The following CDH3 variants were observed in gnomAD, a reference collection of about 807,000 sequenced individuals.
CDH3 encodes cadherin-3.
In CDH3, 54 loss-of-function variants were observed where a neutral mutation model predicts 82.0. That is an observed-to-expected ratio of 0.66 (90% confidence interval 0.53 to 0.83). The LOEUF (loss-of-function observed/expected upper bound fraction) is 0.83, where lower values mean the gene tolerates loss of function less well. Among genes scored for constraint, CDH3 ranks in the 40% least tolerant of loss-of-function variants. The pLI is 0.00. For synonymous variants in CDH3, 446 were observed against 437.9 expected (o/e 1.02, Z -0.23); for missense variants, 1,054 against 1,084.6 (o/e 0.97, Z 0.40).
intron 12 of CDH3, 94 bp from the exon 13 acceptor site, chr16:68,691,626 C>A: frequency 2.1e-6 from 2 of 944,180 alleles, no homozygotes; most frequent in Non-Finnish European, 3.5e-6. Context: ...GCATTGCCCA[C>A]ATGTGGAAGC....
rs1961348027 is a variant in CDH3 at position 68,684,650 on chromosome 16, T to A, written c.1250T>A (p.Val417Glu). Residue 417 changes from valine to glutamate, a missense_variant, in exon 10 of 16, where the codon GTG becomes GAG. Val to Glu is a moderately radical substitution (Grantham distance 121, BLOSUM62 -2). Coordinates refer to ENST00000264012, the MANE Select transcript of CDH3 (RefSeq NM_001793.6). ...YVEVTNEAPFVLKLPTSTATI... is the reference protein window; with the variant it reads ...YVEVTNEAPFELKLPTSTATI... ...GAAGTGACCAACGAGGCCCCTTTTG[T>A]GCTGAAGCTCCCAACCTCCACAGCC... 1 of 1,614,082 alleles carries A rather than the reference T, an allele frequency of 6.2e-7. No individual in the cohort carries two copies. The highest frequency in any genetic ancestry group is 1.7e-5 in the Admixed American group (1 of 59,994).
chr16:68,720,310 T>G (rs957208715), intron 1 of CDH3, among the ~76,000 whole-genome samples: 1 of 152,004 alleles, frequency 6.6e-6, no homozygotes, highest in African/African-American at 2.4e-5. Context: ...TCTGTGAAAT[T>G]CTGGGTAGCA....
In CDH3 at chr16:68,698,296, A is replaced by C. The variant is rs1476674117; in HGVS notation, c.2386A>C (p.Thr796Pro). The C allele has an allele frequency of 6.2e-7, 1 of 1,614,154 alleles. No homozygotes were observed. Among genetic ancestry groups the C allele is most frequent in the Non-Finnish European group, 8.5e-7 (1 of 1,180,024 alleles). ...CGACGCCGCGTCCCTGAGCTCCCTCACCTCCTCCGCCTCCGACCAAGACCA... is the reference window on the plus strand; with the variant it reads ...CGACGCCGCGTCCCTGAGCTCCCTCCCCTCCTCCGCCTCCGACCAAGACCA... The part of the protein sequence containing the change: ...GSDAASLSSL[T>P]SSASDQDQDY... The change falls in exon 16 of 16, where the codon ACC (threonine) becomes CCC (proline). Residue 796 changes from threonine (T) to proline (P), a missense_variant. Coordinates refer to ENST00000264012, the MANE Select transcript of CDH3 (RefSeq NM_001793.6).
At chr16:68,678,932 T>A (rs1287946236) in intron 6 of CDH3, 26 bp downstream of exon 6, 1 of 1,611,876 alleles carries the variant, frequency 6.2e-7, no homozygotes, top group Non-Finnish European at 8.5e-7. Flanking sequence ...AGGGGACTGC[T>A]ACGGGGCTGG....
At chr16:68,692,021 A>G in intron 13 of CDH3, 95 bp downstream of exon 13, 2 of 947,060 alleles carry the variant, frequency 2.1e-6, no homozygotes, top group Non-Finnish European at 3.2e-6. Context: ...AGAGGCCACC[A>G]ACATTGCCCG....
At chr16:68,679,694 CAAAAAA>C (rs66540234) in intron 6 of CDH3, 99 bp from the exon 7 acceptor site, 39,233 of 354,202 alleles carry the variant, frequency 0.11, 353 homozygotes, top group Non-Finnish European at 0.13. Context: ...GACTTCATCT[CAAAAAA>C]AAAAAAAAAA....
chr16:68,690,864 G>A (rs1030652446), intron 12 of CDH3, among the ~76,000 whole-genome samples: 18 of 152,176 alleles, frequency 1.2e-4, no homozygotes, highest in African/African-American at 3.1e-4. Context: ...CTGAGATCAC[G>A]CCACTGCTCT....
intron 2 of CDH3, among the ~76,000 whole-genome samples, chr16:68,649,728 G>A (rs995849803): frequency 2.6e-5 from 4 of 152,090 alleles, no homozygotes; most frequent in Non-Finnish European, 5.9e-5. Flanking sequence ...TGGAGGGCTG[G>A]GGGCTCCTTA....
At chr16:68,706,064 CAAAAAA>C (rs548695101) in intron 1 of CDH3, among the ~76,000 whole-genome samples, 1 of 70,602 alleles carries the variant, frequency 1.4e-5, no homozygotes, top group African/African-American at 4.4e-5. Context: ...GACTCCGTCT[CAAAAAA>C]AAAAAAAAAA....
At position 68,718,450 on chromosome 16, in the gene CDH3, C is replaced by T. The variant is rs376160964; in HGVS notation, c.100-3975C>T. Among the ~76,000 whole-genome samples the T allele has an allele frequency of 2.4e-4, 36 of 152,086 alleles. 1 individual carries two copies. Among genetic ancestry groups the T allele is most frequent in the African/African-American group, 5.5e-4 (23 of 41,536 alleles). On this transcript the variant is annotated intron_variant, in intron 1 of 2. Coordinates refer to the CDH3 transcript ENST00000569080. ...ATCCCAGCACTTTGGGAGGCCGAGG[C>T]GGGTGGATCATCTGAGGTCAGGAGT... is the stretch of plus-strand genomic sequence containing the variant.
chr16:68,692,837 G>A (rs1236608159), intron 13 of CDH3, among the ~76,000 whole-genome samples: 1 of 152,214 alleles, frequency 6.6e-6, no homozygotes, highest in African/African-American at 2.4e-5. Flanking sequence ...GGGCGCAGTG[G>A]CTCACACTTG....
intron 1 of CDH3, among the ~76,000 whole-genome samples, chr16:68,715,098 C>G (rs548545022): frequency 6.6e-6 from 1 of 152,210 alleles, no homozygotes; most frequent in South Asian, 2.1e-4. Flanking sequence ...AAGTTCTAAA[C>G]TTGCCCAATG....
downstream of CDH3, among the ~76,000 whole-genome samples, chr16:68,730,626 A>G (rs1962273201): frequency 6.6e-6 from 1 of 152,192 alleles, no homozygotes; most frequent in Non-Finnish European, 1.5e-5. Flanking sequence ...GAATTTTATT[A>G]GGTGCTTTAC....
At chr16:68,686,266 G>T (rs1256318324) in intron 11 of CDH3, 4 of 645,272 alleles carry the variant, frequency 6.2e-6, no homozygotes, top group Non-Finnish European at 5.6e-6. Context: ...CAAGGGCTGG[G>T]GTGAGTGCAC....
At chr16:68,710,275 A>T (rs1289368062) in intron 1 of CDH3, among the ~76,000 whole-genome samples, 1 of 152,184 alleles carries the variant, frequency 6.6e-6, no homozygotes, top group Non-Finnish European at 1.5e-5. Context: ...CAGTTTCTGC[A>T]CTTGCCCTGT....
chr16:68,678,269 CT>C lies in CDH3; in HGVS notation c.383del (p.Leu128ArgfsTer33). On this transcript the variant is annotated frameshift_variant, in exon 4 of 16. Coordinates refer to ENST00000264012, the MANE Select transcript of CDH3 (RefSeq NM_001793.6). LOFTEE classifies it high-confidence loss of function. ...ENGKGPFPQR[L>X]NQLKSNKDRD... is the part of the protein sequence containing the mutation. ...TGGCAAGGGTCCCTTCCCCCAGAGACTGAATCAGGTACGACTGTGCCTTCTC... is the reference window on the plus strand; with the variant it reads ...TGGCAAGGGTCCCTTCCCCCAGAGACGAATCAGGTACGACTGTGCCTTCTC... 1 of 1,614,166 alleles carries C rather than the reference CT, an allele frequency of 6.2e-7. No individual in the cohort carries two copies.
intron 13 of CDH3, 116 bp downstream of exon 13, chr16:68,692,042 A>G: frequency 1.3e-6 from 1 of 761,458 alleles, no homozygotes; most frequent in African/African-American, 1.7e-5. Flanking sequence ...TCCACTCCTT[A>G]AACATTTTTT....
downstream of CDH3, among the ~76,000 whole-genome samples, chr16:68,731,395 A>AAAAATATATATAT (rs1555509187): frequency 3.8e-4 from 2 of 5,242 alleles, no homozygotes; most frequent in Admixed American, 2.8e-3. Flanking sequence ...AAAAAAAAAA[A>AAAAATATATATAT]ATATATATAT....
At chr16:68,711,343 GAAA>G (rs1438487327) in intron 1 of CDH3, among the ~76,000 whole-genome samples, 4 of 150,214 alleles carry the variant, frequency 2.7e-5, no homozygotes, top group Non-Finnish European at 4.4e-5. Flanking sequence ...AAAAAAGAAA[GAAA>G]AAGAAAGAAA....
Sources: gnomAD v4.1 joint callset for allele counts (sites outside exome capture counted in the v4.1 genomes callset) on GRCh38, gnomAD v4.1.1 for gene constraint, MANE v1.5 for transcripts, NCBI Gene and HGNC (gene_info 2026-07-23, HGNC 2026-07-21) for gene names.